Variants in MAPKBP1 observed in about 807,000 individuals in gnomAD.
MAPKBP1 encodes the protein mitogen-activated protein kinase-binding protein 1.
In MAPKBP1, 71 loss-of-function variants were observed where a neutral mutation model predicts 170.5. That is an observed-to-expected ratio of 0.42 (90% confidence interval 0.34 to 0.51). The LOEUF (loss-of-function observed/expected upper bound fraction) is 0.51, where lower values mean the gene tolerates loss of function less well. Among genes scored for constraint, MAPKBP1 ranks in the 20% least tolerant of loss-of-function variants. MAPKBP1 has a pLI of 0.06. For synonymous variants in MAPKBP1, 719 were observed against 757.9 expected, an observed-to-expected ratio of 0.95 and a Z score of 0.84; for missense variants, 1,598 against 1,933.0, an observed-to-expected ratio of 0.83 and a Z score of 3.25.
rs181713137 is a variant in MAPKBP1 at position 41,777,160 on chromosome 15, G to A, written c.114+1771G>A. On this transcript the variant is annotated intron_variant, in intron 2 of 30. Coordinates refer to ENST00000457542, the MANE Select transcript of MAPKBP1 (RefSeq NM_014994.3). Reference sequence around the variant, plus strand: ...GTTCGAAACCAGCCTGGTCAAGATGGTGAAACCTCATCTCTACTAAAAATA... The same window carrying A: ...GTTCGAAACCAGCCTGGTCAAGATGATGAAACCTCATCTCTACTAAAAATA... Among the ~76,000 whole-genome samples, 10 of 152,196 alleles carry A rather than the reference G, an allele frequency of 6.6e-5. No homozygotes were observed. In the East Asian group the frequency reaches 1.9e-3, roughly 29 times the overall value.
chr15:41,810,008 C>T (rs1259011421), intron 3 of MAPKBP1, among the ~76,000 whole-genome samples: 3 of 152,242 alleles, frequency 2.0e-5, no homozygotes, highest in Admixed American at 6.5e-5. Flanking sequence ...CTTACTGAGC[C>T]TCTCTGCTGT....
At chr15:41,825,161 TGTCTGTTGACA>T (rs1160722077) in intron 30 of MAPKBP1, 37 bp from the exon 31 acceptor site, 2 of 1,485,694 alleles carry the variant, frequency 1.3e-6, no homozygotes, top group African/African-American at 2.8e-5. Context: ...CCCTTTTATA[TGTCTGTTGACA>T]GGCTCCTCCA....
chr15:41,786,921 T>C (rs2064308224), intron 2 of MAPKBP1, among the ~76,000 whole-genome samples: 1 of 150,936 alleles, frequency 6.6e-6, no homozygotes, highest in Admixed American at 6.6e-5. Context: ...TTCTTTGACA[T>C]TGAGTCTTGC....
intron 2 of MAPKBP1, among the ~76,000 whole-genome samples, chr15:41,784,209 T>C (rs2064240723): frequency 6.6e-6 from 1 of 152,208 alleles, no homozygotes; most frequent in East Asian, 1.9e-4. Context: ...GCTGCTGACT[T>C]TTCTCAACAT....
At chr15:41,801,599 G>C (rs192528897) in intron 3 of MAPKBP1, among the ~76,000 whole-genome samples, 89 of 152,230 alleles carry the variant, frequency 5.8e-4, no homozygotes, top group Middle Eastern at 3.4e-3. Context: ...TATAATCCCA[G>C]TACCTTGGGA....
chr15:41,814,193 G>A (rs966394672), intron 9 of MAPKBP1, among the ~76,000 whole-genome samples: 1 of 152,250 alleles, frequency 6.6e-6, no homozygotes, highest in African/African-American at 2.4e-5. Context: ...CAGTCATGTA[G>A]ATGGGAAAGG....
intron 30 of MAPKBP1, 173 bp from the exon 31 acceptor site, chr15:41,825,036 C>T (rs367877035): frequency 4.9e-5 from 28 of 573,902 alleles, no homozygotes; most frequent in African/African-American, 3.9e-4. Flanking sequence ...CCTCCTTGGG[C>T]GTCACCCCCA....
chr15:41,782,186 C>T (rs980285343), intron 2 of MAPKBP1, among the ~76,000 whole-genome samples: 1 of 146,202 alleles, frequency 6.8e-6, no homozygotes, highest in South Asian at 2.1e-4. Context: ...GGTGTGAACT[C>T]GGGATGCGGA....
chr15:41,817,457 A>C lies in MAPKBP1; in HGVS notation c.1781A>C (p.Lys594Thr), dbSNP rs770325481. The C allele has an allele frequency of 3.7e-6, 5 of 1,366,618 alleles. No homozygotes were observed. Among genetic ancestry groups the C allele is most frequent in the Non-Finnish European group, 4.9e-6 (5 of 1,011,836 alleles). The allele number at this position is 1,366,618 out of a possible 1,614,324, so 84.7% of individuals were successfully genotyped here. Residue 594 changes from lysine (K) to threonine (T), a missense_variant and splice_region_variant, in exon 15 of 31, where the codon AAG becomes ACG. By Grantham distance (78) the Lys-to-Thr change is moderately conservative. Transcript: ENST00000457542. This position sits in a 1 kb window ranked among gnomAD's most constrained non-coding sequence, Gnocchi z 4.2. Reference protein sequence around the residue: ...DKSIYFRTAQKSGDGVQFTRT... With the variant: ...DKSIYFRTAQTSGDGVQFTRT... ...AGCATCTACTTCCGCACTGCGCAGAAGGTGAGGGCGCTGGGCTTTCCTGAG... is the reference window on the plus strand; with the variant it reads ...AGCATCTACTTCCGCACTGCGCAGACGGTGAGGGCGCTGGGCTTTCCTGAG...
chr15:41,814,622 G>C lies in MAPKBP1; in HGVS notation c.1053G>C (p.Gln351His). Residue 351 changes from glutamine (Q) to histidine (H), a missense_variant, in exon 10 of 31, where the codon CAG (glutamine) becomes CAC (histidine). Coordinates refer to ENST00000457542, the MANE Select transcript of MAPKBP1 (RefSeq NM_014994.3). ...CCTTGACCTTTGATCCTACTAATCA[G>C]TGGCTGTCTTGTGTGTACAACGATC... is the stretch of plus-strand genomic sequence containing the variant. ...TIALTFDPTN[Q>H]WLSCVYNDHS... 2 of 1,614,188 alleles carry C rather than the reference G, an allele frequency of 1.2e-6. No individual in the cohort carries two copies. The highest frequency in any genetic ancestry group is 8.5e-7 in the Non-Finnish European group (1 of 1,180,040).
rs1029469234 is a variant in MAPKBP1 at position 41,827,498 on chromosome 15, G to C, written c.*2062G>C. Reference sequence around the variant, plus strand: ...CCCACACCAGCCGCGCCCACCGCAGGTGGGACTCAGGTTCGCCCTCTGGGC... The same window carrying C: ...CCCACACCAGCCGCGCCCACCGCAGCTGGGACTCAGGTTCGCCCTCTGGGC... On this transcript the variant is annotated 3_prime_UTR_variant, in exon 31 of 31. Transcript: ENST00000457542. 1 of 152,248 alleles carries C rather than the reference G, an allele frequency of 6.6e-6. No individual in the cohort carries two copies. The highest frequency in any genetic ancestry group is 2.4e-5 in the African/African-American group (1 of 41,442). The allele number at this position is 152,248 out of a possible 1,614,324, so 9.4% of individuals were successfully genotyped here. A position where few individuals can be genotyped will look rare whatever the true frequency, so the allele number is the denominator to read the frequency against.
At chr15:41,778,205 A>G (rs1190236794) in intron 2 of MAPKBP1, among the ~76,000 whole-genome samples, 1 of 152,262 alleles carries the variant, frequency 6.6e-6, no homozygotes, top group Non-Finnish European at 1.5e-5. Context: ...AAAGATGTCA[A>G]ATATAGTGCG....
At chr15:41,810,819 G>A in intron 3 of MAPKBP1, 64 bp from the exon 4 acceptor site, 3 of 1,440,842 alleles carry the variant, frequency 2.1e-6, no homozygotes, top group East Asian at 2.3e-5. Context: ...GTCCTGGGTG[G>A]CCTGGAGGGC....
chr15:41,790,191 G>A (rs1596069120), intron 2 of MAPKBP1, among the ~76,000 whole-genome samples: 2 of 152,136 alleles, frequency 1.3e-5, no homozygotes, highest in Admixed American at 6.5e-5. Flanking sequence ...CCCCCGGTGC[G>A]TTCTTGTAAA....
Position 41,818,439 on chromosome 15 carries a change from C to T in MAPKBP1, c.2093-80C>T, listed in dbSNP as rs2064930379. On this transcript the variant is annotated intron_variant, in intron 18 of 30. Transcript: ENST00000457542. This position sits in a 1 kb window ranked among gnomAD's most constrained non-coding sequence, Gnocchi z 5.2. The stretch of plus-strand genomic sequence containing the variant: ...ACCTATCCCTACCCTGCAGCCAACC[C>T]CCGTGTCCACTGTTGGGATGGAGAG... 2 of 1,479,134 alleles carry T rather than the reference C, an allele frequency of 1.4e-6. No individual in the cohort carries two copies. The highest frequency in any genetic ancestry group is 1.9e-6 in the Non-Finnish European group (2 of 1,066,964). The allele number at this position is 1,479,134 out of a possible 1,614,324, so 91.6% of individuals were successfully genotyped here. A position where few individuals can be genotyped will look rare whatever the true frequency, so the allele number is the denominator to read the frequency against.
intron 2 of MAPKBP1, among the ~76,000 whole-genome samples, chr15:41,786,816 C>CTT (rs370413261): frequency 9.5e-5 from 9 of 94,876 alleles, no homozygotes; most frequent in African/African-American, 3.9e-4. Context: ...GTATAATAAG[C>CTT]TTTTTTTGTT....
At position 41,825,576 on chromosome 15, in the gene MAPKBP1, G is replaced by T. The variant is rs879182251; in HGVS notation, c.*140G>T. 2.4e-5 allele frequency: 16 copies of T among 657,720 alleles called. No homozygotes were observed. The South Asian group carries it at 2.8e-4, about 11-fold the overall frequency. The allele number at this position is 657,720 out of a possible 1,614,324, so 40.7% of individuals were successfully genotyped here. On this transcript the variant is annotated 3_prime_UTR_variant, in exon 31 of 31. Coordinates refer to ENST00000457542, the MANE Select transcript of MAPKBP1 (RefSeq NM_014994.3). ...CAGAGGCAAAGCAGCCTTCCCAGCCGCTCCTCGTGGGGGGCCTGTATTTAT... is the reference window on the plus strand; with the variant it reads ...CAGAGGCAAAGCAGCCTTCCCAGCCTCTCCTCGTGGGGGGCCTGTATTTAT...
Position 41,822,902 on chromosome 15 carries a change from C to T in MAPKBP1, c.3315-37C>T, listed in dbSNP as rs200221705. ...CATTTTGGCAGGGAGGAGCATTGAGCCTTCTCTGGGCCTTCTCCCACATGT... is the reference window on the plus strand; with the variant it reads ...CATTTTGGCAGGGAGGAGCATTGAGTCTTCTCTGGGCCTTCTCCCACATGT... On this transcript the variant is annotated intron_variant, in intron 27 of 30. Transcript: ENST00000457542. The T allele has an allele frequency of 9.6e-6, 15 of 1,570,446 alleles. No homozygotes were observed. The Admixed American group carries it at 1.6e-4, about 17-fold the overall frequency.
intron 2 of MAPKBP1, among the ~76,000 whole-genome samples, chr15:41,781,098 CAG>C (rs1306477491): frequency 1.3e-5 from 2 of 148,166 alleles, no homozygotes; most frequent in African/African-American, 5.0e-5. Context: ...TTTTTTGAGA[CAG>C]AGTCTCACTC....
Sources: gnomAD v4.1 joint callset for allele counts (sites outside exome capture counted in the v4.1 genomes callset) on GRCh38, gnomAD v4.1.1 for gene constraint, Gnocchi (gnomAD v3.1) non-coding constraint, MANE v1.5 for transcripts, NCBI Gene and HGNC (gene_info 2026-07-23, HGNC 2026-07-21) for gene names.